MYO1D: variants seen among roughly 807,000 people sequenced by gnomAD.
MYO1D encodes unconventional myosin-Id.
MYO1D carries 83 observed loss-of-function variants against 122.0 expected under a neutral mutation model. That is an observed-to-expected ratio of 0.68 (90% confidence interval 0.57 to 0.82). The LOEUF is 0.82. Among genes scored for constraint, MYO1D ranks in the 40% least tolerant of loss-of-function variants. MYO1D has a pLI of 0.00. For synonymous variants in MYO1D, 464 were observed against 446.9 expected (o/e 1.04, Z -0.48); for missense variants, 1,157 against 1,269.5 (o/e 0.91, Z 1.35).
intron 16 of MYO1D, among the ~76,000 whole-genome samples, chr17:32,673,355 C>T (rs879728372): frequency 2.0e-5 from 3 of 151,826 alleles, no homozygotes; most frequent in Non-Finnish European, 2.9e-5. Flanking sequence ...CTGCCTGCCT[C>T]GGCCTCCCAA....
In MYO1D at chr17:32,654,525, C is replaced by T. The variant is rs2088447017; in HGVS notation, c.2442G>A (p.Arg814=). Residue 814 remains arginine (R), a synonymous_variant, in exon 18 of 22, where the codon AGG becomes AGA. Transcript: ENST00000318217. ...VAAVEMLKGQ[R]ADLGLQRAWE... ...AGGCCCTCTGGAGCCCGAGGTCAGC[C>T]CTTTGACCCTTCAACATTTCCACGG... 1 of 1,613,976 alleles carries T rather than the reference C, an allele frequency of 6.2e-7. No individual in the cohort carries two copies. The highest frequency in any genetic ancestry group is 8.5e-7 in the Non-Finnish European group (1 of 1,180,010).
chr17:32,579,354 C>T (rs1247631714), intron 21 of MYO1D, among the ~76,000 whole-genome samples: 1 of 152,236 alleles, frequency 6.6e-6, no homozygotes, highest in Admixed American at 6.5e-5. Flanking sequence ...CAGGCATGGG[C>T]AACCACGTCC....
intron 14 of MYO1D, 131 bp from the exon 15 acceptor site, chr17:32,721,320 G>A (rs908472607): frequency 1.2e-6 from 1 of 806,320 alleles, no homozygotes; most frequent in Admixed American, 2.6e-5. Context: ...ATACACTTGT[G>A]AATAAAGTAG....
At chr17:32,706,680 AAAAT>A (rs2150983681) in intron 16 of MYO1D, among the ~76,000 whole-genome samples, 1 of 152,258 alleles carries the variant, frequency 6.6e-6, no homozygotes, top group East Asian at 1.9e-4. Context: ...ATCATGTACA[AAAAT>A]AAATTCCAGA....
intron 1 of MYO1D, among the ~76,000 whole-genome samples, chr17:32,817,045 G>C (rs930383750): frequency 1.3e-5 from 2 of 152,134 alleles, no homozygotes; most frequent in African/African-American, 4.8e-5. Context: ...TAGATGTATT[G>C]CTATAAATAA....
chr17:32,760,535 G>GT lies in MYO1D; in HGVS notation c.1127dup (p.Asn376LysfsTer13). 1 of 1,613,910 alleles carries GT rather than the reference G, an allele frequency of 6.2e-7. No homozygotes were observed. Among genetic ancestry groups the GT allele is most frequent in the East Asian group, 2.2e-5 (1 of 44,876 alleles). Reference sequence around the variant, plus strand: ...AGATATCCAAGACACCAATAACAGTGTTTTTCCCATGGATTGTGGTGTCAT... The same window carrying GT: ...AGATATCCAAGACACCAATAACAGTGTTTTTTCCCATGGATTGTGGTGTCAT... On this transcript the variant is annotated frameshift_variant, in exon 9 of 22. Coordinates refer to ENST00000318217, the MANE Select transcript of MYO1D (RefSeq NM_015194.3). LOFTEE classifies it high-confidence loss of function.
At position 32,532,743 on chromosome 17, in the gene MYO1D, A is replaced by C. The variant is rs1910551308; in HGVS notation, c.2865-37828T>G. 2.1e-5 allele frequency among the ~76,000 whole-genome samples: 3 copies of C among 141,872 alleles called. No homozygotes were observed. In the South Asian group the frequency reaches 6.7e-4, roughly 32 times the overall value. The allele number at this position is 141,872 out of a possible 152,430, so 93.1% of individuals were successfully genotyped here. On this transcript the variant is annotated intron_variant, in intron 21 of 21. Transcript: ENST00000318217. The stretch of plus-strand genomic sequence containing the variant: ...CGTCTCAAAAAAAAAAAAAAAAAAA[A>C]CCAAACGAGTGCACGAGGCTGATAT...
At position 32,494,874 on chromosome 17, in the gene MYO1D, T is replaced by G; in HGVS notation, c.2906A>C (p.Gln969Pro). 1 of 1,612,162 alleles carries G rather than the reference T, an allele frequency of 6.2e-7. No individual in the cohort carries two copies. Among genetic ancestry groups the G allele is most frequent in the East Asian group, 2.2e-5 (1 of 44,738 alleles). Residue 969 changes from glutamine to proline, a missense_variant, in exon 22 of 22, where the codon CAG becomes CCG. Gln to Pro is a moderately conservative substitution (Grantham distance 76, BLOSUM62 -1). Transcript: ENST00000318217. ...HLQVNVTNPV[Q>P]CSLHGKKCTV... ...GCACTTCTTCCCGTGCAGGCTGCAC[T>G]GTACTGGGTTGGTGACGTTCACTTG...
At chr17:32,614,798 G>A (rs1414349495) in intron 20 of MYO1D, among the ~76,000 whole-genome samples, 1 of 152,212 alleles carries the variant, frequency 6.6e-6, no homozygotes, top group Non-Finnish European at 1.5e-5. Flanking sequence ...CATGCAAGCA[G>A]GCTGATGGTC....
chr17:32,813,483 C>T (rs1332389479), intron 1 of MYO1D, among the ~76,000 whole-genome samples: 6 of 151,980 alleles, frequency 3.9e-5, no homozygotes, highest in Non-Finnish European at 7.4e-5. Context: ...ATTATTGAGG[C>T]GATGGGGTGG....
At chr17:32,509,134 G>T (rs371439490) in intron 21 of MYO1D, among the ~76,000 whole-genome samples, 11 of 152,216 alleles carry the variant, frequency 7.2e-5, no homozygotes, top group African/African-American at 2.7e-4. Context: ...CGGTGGGCTG[G>T]GGTTGAACAC....
chr17:32,838,086 AAATAT>A (rs1300167895), intron 1 of MYO1D, among the ~76,000 whole-genome samples: 6 of 152,132 alleles, frequency 3.9e-5, no homozygotes, highest in African/African-American at 1.4e-4. Flanking sequence ...CCAAGCTTAG[AAATAT>A]TTTTTCCCTA....
chr17:32,799,791 T>C (rs1297574526), intron 1 of MYO1D, among the ~76,000 whole-genome samples: 1 of 152,162 alleles, frequency 6.6e-6, no homozygotes, highest in Non-Finnish European at 1.5e-5. Flanking sequence ...ACCTACAAAT[T>C]GTACTTTGGA....
intron 16 of MYO1D, among the ~76,000 whole-genome samples, chr17:32,661,895 C>T (rs961123785): frequency 4.6e-5 from 7 of 152,048 alleles, no homozygotes; most frequent in South Asian, 2.1e-4. Flanking sequence ...ATATATTACA[C>T]ATATATTTGG....
At chr17:32,542,371 G>A (rs1244187447) in intron 21 of MYO1D, among the ~76,000 whole-genome samples, 4 of 152,216 alleles carry the variant, frequency 2.6e-5, no homozygotes, top group African/African-American at 7.2e-5. Flanking sequence ...ATGCATATGT[G>A]TGCAGACCTG....
At chr17:32,863,080 G>A (rs2091091963) in intron 1 of MYO1D, 2 of 152,216 alleles carry the variant, frequency 1.3e-5, no homozygotes, top group Non-Finnish European at 2.9e-5. Context: ...GATAAAATAG[G>A]AACCTGAGAG....
rs1478052591 is a variant in MYO1D, at chr17:32,494,006, T to C, written c.*753A>G. ...ACCCTGCAAACGGTGAAAGTATCTA[T>C]AAGAGGACCACAGCCACAGGCTGCG... is the stretch of plus-strand genomic sequence containing the variant. On this transcript the variant is annotated 3_prime_UTR_variant, in exon 22 of 22. Transcript: ENST00000318217. 2.6e-5 allele frequency: 4 copies of C among 152,264 alleles called. No individual in the cohort carries two copies. Among genetic ancestry groups the C allele is most frequent in the African/African-American group, 9.7e-5 (4 of 41,430 alleles). The allele number at this position is 152,264 out of a possible 1,614,324, so 9.4% of individuals were successfully genotyped here. A position where few individuals can be genotyped will look rare whatever the true frequency, so the allele number is the denominator to read the frequency against.
intron 21 of MYO1D, chr17:32,497,753 C>T (rs1468800656): frequency 6.6e-6 from 1 of 152,480 alleles, no homozygotes; most frequent in Non-Finnish European, 1.5e-5. Flanking sequence ...CCCTCTTCCC[C>T]ACCCGAGGCC....
chr17:32,516,960 A>G (rs2150863397), intron 21 of MYO1D, among the ~76,000 whole-genome samples: 1 of 152,324 alleles, frequency 6.6e-6, no homozygotes, highest in East Asian at 1.9e-4. Flanking sequence ...TCTTATATCC[A>G]TTAACAATGG....
Sources: gnomAD v4.1 joint callset for allele counts (sites outside exome capture counted in the v4.1 genomes callset) on GRCh38, gnomAD v4.1.1 for gene constraint, MANE v1.5 for transcripts, NCBI Gene and HGNC (gene_info 2026-07-23, HGNC 2026-07-21) for gene names.